The following ITGB1 variants were observed in gnomAD, a reference collection of about 807,000 sequenced individuals.
The protein encoded by ITGB1 is integrin beta-1.
ITGB1 carries 24 observed loss-of-function variants against 86.5 expected under a neutral mutation model. That is an observed-to-expected ratio of 0.28 (90% confidence interval 0.20 to 0.39). ITGB1 has a LOEUF of 0.39. Ranked by LOEUF, ITGB1 falls within the 10% of genes least tolerant of loss-of-function variation. ITGB1 has a pLI of 1.00. For synonymous variants in ITGB1, 323 were observed against 316.8 expected (o/e 1.02, Z -0.21); for missense variants, 556 against 946.9 (o/e 0.59, Z 5.42).
intron 6 of ITGB1, 83 bp from the exon 7 acceptor site, chr10:32,923,823 T>A: frequency 8.8e-7 from 1 of 1,137,466 alleles, no homozygotes; most frequent in Non-Finnish European, 1.2e-6. Context: ...TAGGCCACCA[T>A]TGTATTTTTA....
chr10:32,928,278 A>G lies in ITGB1; in HGVS notation c.377-14T>C. ...TCTGTGGCTCCCCTAATTAGACAAG[A>G]GATTAGAAAATGAAACTTGCCTGTT... On this transcript the variant is annotated splice_polypyrimidine_tract_variant and intron_variant, in intron 4 of 15. Transcript: ENST00000302278. 1 of 829,262 alleles carries G rather than the reference A, an allele frequency of 1.2e-6. No individual in the cohort carries two copies. Among genetic ancestry groups the G allele is most frequent in the Non-Finnish European group, 2.1e-6 (1 of 486,540 alleles). The allele number at this position is 829,262 out of a possible 1,614,324, so 51.4% of individuals were successfully genotyped here. A position where few individuals can be genotyped will look rare whatever the true frequency, so the allele number is the denominator to read the frequency against.
chr10:32,912,557 G>A (rs1037642580), intron 11 of ITGB1, among the ~76,000 whole-genome samples: 5 of 152,186 alleles, frequency 3.3e-5, no homozygotes, highest in Non-Finnish European at 7.3e-5. Flanking sequence ...ATGGAGCCTC[G>A]CTCACTGCTA....
intron 1 of ITGB1, among the ~76,000 whole-genome samples, chr10:32,953,066 T>C (rs1382868324): frequency 6.6e-6 from 1 of 152,206 alleles, no homozygotes; most frequent in Non-Finnish European, 1.5e-5. Flanking sequence ...AGGTACTATC[T>C]GTGAAATTAG....
chr10:32,925,840 A>G (rs202216820), intron 6 of ITGB1, 31 bp downstream of exon 6: 53 of 1,267,174 alleles, frequency 4.2e-5, no homozygotes, highest in Admixed American at 3.4e-4. Context: ...AATAGAAACA[A>G]TATCCCCTGA....
intron 1 of ITGB1, among the ~76,000 whole-genome samples, chr10:32,947,890 T>C (rs1211770287): frequency 4.6e-5 from 7 of 152,218 alleles, no homozygotes; most frequent in African/African-American, 1.7e-4. Flanking sequence ...ATAAAACATT[T>C]AAAACAATGT....
chr10:32,917,426 T>C (rs2094935400), intron 11 of ITGB1, among the ~76,000 whole-genome samples: 1 of 152,188 alleles, frequency 6.6e-6, no homozygotes, highest in Non-Finnish European at 1.5e-5. Context: ...TGGGACACAA[T>C]TTTTACAATC....
chr10:32,919,565 C>T (rs1020204390), intron 11 of ITGB1, among the ~76,000 whole-genome samples: 1 of 152,116 alleles, frequency 6.6e-6, no homozygotes, highest in African/African-American at 2.4e-5. Context: ...CGTTATTTTA[C>T]ACAAGCTTAT....
Position 32,928,168 on chromosome 10 carries a change from TC to T in ITGB1, c.472del (p.Asp158IlefsTer5). 1 of 1,524,544 alleles carries T rather than the reference TC, an allele frequency of 6.6e-7. No individual in the cohort carries two copies. The allele number at this position is 1,524,544 out of a possible 1,614,324, so 94.4% of individuals were successfully genotyped here. ...TCCAAGACTTTTTACATTCTCCAAA[TC>T]GTCTTTCATTGAGTAAGACAGGTCC... ...LMDLSYSMKD[D>X]LENVKSLGTD... On this transcript the variant is annotated frameshift_variant, in exon 5 of 16. Transcript: ENST00000302278. LOFTEE classifies it high-confidence loss of function.
intron 1 of ITGB1, among the ~76,000 whole-genome samples, chr10:32,947,782 A>G (rs1051701694): frequency 1.3e-5 from 2 of 152,220 alleles, no homozygotes; most frequent in Admixed American, 6.5e-5. Context: ...GCAGAGTTAC[A>G]CTGGCAAATT....
Position 32,901,585 on chromosome 10 carries a change from C to T in ITGB1, c.2382G>A (p.Lys794=), listed in dbSNP as rs201018098. Residue 794 remains lysine (K), a synonymous_variant, in exon 16 of 16, where the codon AAG becomes AAA. Transcript: ENST00000302278. The stretch of plus-strand genomic sequence containing the variant: ...CGGGCAGTACTCATTTTCCCTCATA[C>T]TTCGGATTGACCACAGTTGTTACGG... ...KSAVTTVVNP[K]YEGK 61 of 1,600,280 alleles carry T rather than the reference C, an allele frequency of 3.8e-5. No individual in the cohort carries two copies. The highest frequency in any genetic ancestry group is 4.6e-5 in the Non-Finnish European group (54 of 1,170,302).
chr10:32,920,031 G>T lies in ITGB1; in HGVS notation c.1323C>A (p.Asp441Glu), dbSNP rs1593864010. ...TSNKCPKKDS[D>E]SFKIRPLGFT... ...AGCCCAGAGGCCTAATTTTAAAGCT[G>T]TCAGAATCCTTTTTTGGACACTTAT... Residue 441 changes from aspartate (D) to glutamate (E), a missense_variant, in exon 11 of 16, where the codon GAC (aspartate) becomes GAA (glutamate). Asp to Glu is a conservative substitution (Grantham distance 45, BLOSUM62 2). Transcript: ENST00000302278. 1 of 1,613,908 alleles carries T rather than the reference G, an allele frequency of 6.2e-7. No homozygotes were observed. The highest frequency in any genetic ancestry group is 8.5e-7 in the Non-Finnish European group (1 of 1,179,904).
chr10:32,919,026 C>CT (rs1304425230), intron 11 of ITGB1, among the ~76,000 whole-genome samples: 1 of 152,142 alleles, frequency 6.6e-6, no homozygotes, highest in Non-Finnish European at 1.5e-5. Flanking sequence ...TCAAGATAAT[C>CT]TTTTTGGTTA....
At chr10:32,953,852 T>C (rs2095047261) in intron 1 of ITGB1, 1 of 152,194 alleles carries the variant, frequency 6.6e-6, no homozygotes. Flanking sequence ...AATGAAGTCT[T>C]TCTGTCTTTA....
At chr10:32,950,467 G>A (rs1027064455) in intron 1 of ITGB1, among the ~76,000 whole-genome samples, 1 of 152,054 alleles carries the variant, frequency 6.6e-6, no homozygotes, top group Admixed American at 6.6e-5. Context: ...CATCTGGCAG[G>A]AAGAGGTGTG....
At chr10:32,919,545 T>A (rs1368882075) in intron 11 of ITGB1, among the ~76,000 whole-genome samples, 5 of 152,332 alleles carry the variant, frequency 3.3e-5, no homozygotes, top group African/African-American at 1.2e-4. Flanking sequence ...CCAAAACATT[T>A]TCCTATAAAC....
chr10:32,924,101 T>G (rs551073831), intron 6 of ITGB1, among the ~76,000 whole-genome samples: 1 of 152,350 alleles, frequency 6.6e-6, no homozygotes, highest in South Asian at 2.1e-4. Flanking sequence ...GAGCATTTGC[T>G]GAATAAATGA....
intron 4 of ITGB1, among the ~76,000 whole-genome samples, chr10:32,928,657 G>A (rs2094973208): frequency 6.6e-6 from 1 of 152,056 alleles, no homozygotes; most frequent in Non-Finnish European, 1.5e-5. Flanking sequence ...TGTGTAGTGG[G>A]ATGCCACTCC....
chr10:32,901,973 C>T (rs2094883073), intron 15 of ITGB1, among the ~76,000 whole-genome samples: 1 of 152,128 alleles, frequency 6.6e-6, no homozygotes, highest in South Asian at 2.1e-4. Flanking sequence ...CAATGCCTGC[C>T]TTAATGAAGC....
intron 15 of ITGB1, chr10:32,907,019 T>C (rs201104449): frequency 4.2e-5 from 41 of 976,750 alleles, no homozygotes; most frequent in African/African-American, 1.2e-4. Flanking sequence ...GTAAAAAAGA[T>C]AGAAGTTCAC....
Sources: allele counts gnomAD v4.1 joint callset (sites outside exome capture counted in the v4.1 genomes callset), GRCh38; gene constraint gnomAD v4.1.1; transcripts MANE v1.5; gene names NCBI Gene and HGNC (gene_info 2026-07-23, HGNC 2026-07-21).